Variants in LRGUK observed in about 807,000 individuals in gnomAD.
LRGUK encodes the protein leucine-rich repeat and guanylate kinase domain-containing protein.
Under a neutral mutation model 76.0 loss-of-function variants are expected in LRGUK, and 65 were observed. The ratio of observed to expected loss-of-function variants is 0.85; its 90% CI spans 0.70 to 1.05. The LOEUF (loss-of-function observed/expected upper bound fraction) is 1.05. LRGUK is among the 50% of genes least tolerant of loss of function. LRGUK has a pLI of 0.00. For missense variants in LRGUK, 758 were observed against 732.8 expected (o/e 1.03, Z -0.40); for synonymous variants, 268 against 265.6 (o/e 1.01, Z -0.09).
chr7:134,229,814 C>T (rs1380419067), intron 16 of LRGUK, among the ~76,000 whole-genome samples: 1 of 152,074 alleles, frequency 6.6e-6, no homozygotes, highest in Non-Finnish European at 1.5e-5. Context: ...AAAGTGATGC[C>T]TTTTGTATAG....
downstream of LRGUK, among the ~76,000 whole-genome samples, chr7:134,268,717 CTTTTTTTTTTTTTTTTT>C (rs71531815): frequency 2.1e-4 from 12 of 57,350 alleles, no homozygotes; most frequent in Middle Eastern, 0.023. Context: ...TGCAAAAAAT[CTTTTTTTTTTTTTTTTT>C]TTTTTTTTTT....
chr7:134,138,136 C>A (rs1255887903), intron 2 of LRGUK, among the ~76,000 whole-genome samples: 1 of 152,176 alleles, frequency 6.6e-6, no homozygotes. Context: ...CTGTGTTTGA[C>A]GCTGGAATAT....
intron 11 of LRGUK, 59 bp downstream of exon 11, chr7:134,183,912 C>G (rs1404664056): frequency 1.0e-5 from 16 of 1,590,248 alleles, no homozygotes; most frequent in Non-Finnish European, 1.4e-5. Flanking sequence ...TTGGAGGTAT[C>G]AATAGTTGTA....
chr7:134,201,365 C>A, intron 14 of LRGUK, 116 bp from the exon 15 acceptor site: 1 of 751,612 alleles, frequency 1.3e-6, no homozygotes, highest in Non-Finnish European at 2.2e-6. Flanking sequence ...TAGAATTCTG[C>A]CTACCATAAT....
At chr7:134,127,552 T>A in exon 1 of LRGUK, 1 of 1,614,158 alleles carries the variant, frequency 6.2e-7, no homozygotes, top group Non-Finnish European at 8.5e-7. Flanking sequence ...TCCTACCTGC[T>A]CCAGCAGCTC....
chr7:134,147,635 A>G (rs1006111044), intron 4 of LRGUK, among the ~76,000 whole-genome samples: 3 of 152,202 alleles, frequency 2.0e-5, no homozygotes, highest in Non-Finnish European at 4.4e-5. Flanking sequence ...AGGAAATTTA[A>G]AATAAATGCT....
intron 5 of LRGUK, among the ~76,000 whole-genome samples, chr7:134,149,428 T>C (rs1798112619): frequency 6.6e-6 from 1 of 152,202 alleles, no homozygotes; most frequent in African/African-American, 2.4e-5. Context: ...CAGCAGCTAG[T>C]ACACACTGCA....
chr7:134,188,303 A>G (rs2117038899), intron 11 of LRGUK, among the ~76,000 whole-genome samples: 1 of 152,306 alleles, frequency 6.6e-6, no homozygotes. Flanking sequence ...CAGAGAGGAC[A>G]GCATATGGCT....
intron 15 of LRGUK, among the ~76,000 whole-genome samples, chr7:134,206,552 G>A (rs914526881): frequency 6.7e-6 from 1 of 150,348 alleles, no homozygotes; most frequent in Non-Finnish European, 1.5e-5. Context: ...TATAATATAT[G>A]TATGTGTATA....
At chr7:134,193,862 C>T (rs1472139480) in intron 12 of LRGUK, among the ~76,000 whole-genome samples, 1 of 152,242 alleles carries the variant, frequency 6.6e-6, no homozygotes, top group Non-Finnish European at 1.5e-5. Context: ...AGCCTTGGCA[C>T]ACCCTTACTG....
chr7:134,201,525 G>A, exon 15 of LRGUK: 1 of 1,613,844 alleles, frequency 6.2e-7, no homozygotes. Flanking sequence ...GCTCATTAGA[G>A]AATACCTTGG....
At chr7:134,270,220 G>A in the LRGUK span, among the ~76,000 whole-genome samples, 2 of 152,056 alleles carry the variant, frequency 1.3e-5, no homozygotes, top group African/African-American at 2.4e-5. Context: ...GACTAAATAT[G>A]TTCATTAAGT....
chr7:134,190,927 A>C (rs1800204587), intron 11 of LRGUK, among the ~76,000 whole-genome samples: 2 of 152,246 alleles, frequency 1.3e-5, no homozygotes, highest in African/African-American at 2.4e-5. Flanking sequence ...AGTTCTGGGG[A>C]TAGACAGTAG....
chr7:134,135,359 G>A (rs1421018490), intron 1 of LRGUK, among the ~76,000 whole-genome samples: 2 of 152,206 alleles, frequency 1.3e-5, no homozygotes. Flanking sequence ...AACCACCGGA[G>A]GGGGGCAAAT....
intron 12 of LRGUK, among the ~76,000 whole-genome samples, chr7:134,193,817 C>T (rs1396095622): frequency 9.2e-5 from 14 of 152,104 alleles, no homozygotes; most frequent in Non-Finnish European, 1.5e-4. Context: ...ACAGCCTGCC[C>T]GCCATCCTCC....
intron 16 of LRGUK, among the ~76,000 whole-genome samples, chr7:134,245,131 C>T (rs2598260): frequency 0.47 from 71,681 of 151,868 alleles, 17,163 homozygotes; most frequent in South Asian, 0.56. Context: ...CACATGTATA[C>T]ATATGTAACA....
rs772609822 is a variant in LRGUK at position 134,163,392 on chromosome 7, T to G, written c.796-5T>G. On this transcript the variant is annotated splice_region_variant and splice_polypyrimidine_tract_variant and intron_variant, in intron 6 of 15. Transcript: ENST00000645682. ...AGACATTAAATATATTTTTTTCTGT[T>G]TTAGAGCAATAACCAGATTGAGATG... 1 of 1,606,838 alleles carries G rather than the reference T, an allele frequency of 6.2e-7. No homozygotes were observed. The highest frequency in any genetic ancestry group is 8.5e-7 in the Non-Finnish European group (1 of 1,176,620).
intron 16 of LRGUK, among the ~76,000 whole-genome samples, chr7:134,227,315 C>T (rs1349738030): frequency 6.6e-6 from 1 of 152,096 alleles, no homozygotes; most frequent in African/African-American, 2.4e-5. Context: ...TAACTGAAAG[C>T]CTGCAACCTT....
intron 6 of LRGUK, among the ~76,000 whole-genome samples, chr7:134,159,715 G>A (rs1798641609): frequency 6.6e-6 from 1 of 152,188 alleles, no homozygotes; most frequent in Non-Finnish European, 1.5e-5. Flanking sequence ...CTTAAACTCA[G>A]GAGGCGGAGG....
Sources: allele counts gnomAD v4.1 joint callset (sites outside exome capture counted in the v4.1 genomes callset), GRCh38; gene constraint gnomAD v4.1.1; transcripts MANE v1.5; gene names NCBI Gene and HGNC (gene_info 2026-07-23, HGNC 2026-07-21).